Variants in SENP5 observed in about 807,000 individuals in gnomAD.
SENP5 encodes sentrin-specific protease 5.
A neutral mutation model predicts 74.2 loss-of-function variants in SENP5; 21 were observed. The observed-to-expected ratio is 0.28, with a 90% CI of 0.20 to 0.41. The LOEUF (loss-of-function observed/expected upper bound fraction) is 0.41, where lower values mean the gene tolerates loss of function less well. Among genes scored for constraint, SENP5 ranks in the 10% least tolerant of loss-of-function variants. The pLI, the probability that SENP5 is intolerant of heterozygous loss-of-function variation, is 1.00. For synonymous variants in SENP5, 311 were observed against 312.7 expected (o/e 0.99, Z 0.06); for missense variants, 717 against 889.1 (o/e 0.81, Z 2.46).
intron 1 of SENP5, among the ~76,000 whole-genome samples, chr3:196,874,366 G>A (rs1359842263): frequency 6.6e-6 from 1 of 151,246 alleles, no homozygotes; most frequent in Non-Finnish European, 1.5e-5. Context: ...TTCCACCTTG[G>A]TTTTTGTCCT....
intron 2 of SENP5, among the ~76,000 whole-genome samples, chr3:196,888,517 G>A (rs1417805312): frequency 6.6e-6 from 1 of 151,974 alleles, no homozygotes; most frequent in Non-Finnish European, 1.5e-5. Flanking sequence ...CTGGGAGGCG[G>A]AGGTTGCAGT....
intron 6 of SENP5, among the ~76,000 whole-genome samples, chr3:196,908,729 A>G (rs1560153995): frequency 6.6e-6 from 1 of 152,166 alleles, no homozygotes; most frequent in Non-Finnish European, 1.5e-5. Context: ...AGGCCGAGGT[A>G]GGAGAATCAC....
intron 6 of SENP5, among the ~76,000 whole-genome samples, chr3:196,906,244 A>G (rs1467755116): frequency 1.3e-5 from 2 of 152,162 alleles, no homozygotes; most frequent in African/African-American, 4.8e-5. Context: ...GACATCAGAA[A>G]TTCCAAGGAC....
chr3:196,877,364 A>G (rs1713522911), intron 1 of SENP5, among the ~76,000 whole-genome samples: 1 of 152,002 alleles, frequency 6.6e-6, no homozygotes, highest in Non-Finnish European at 1.5e-5. Context: ...TTGTATTTTT[A>G]GTAAGAGACA....
At chr3:196,894,772 T>C (rs927560564) in intron 2 of SENP5, among the ~76,000 whole-genome samples, 12 of 152,202 alleles carry the variant, frequency 7.9e-5, no homozygotes, top group African/African-American at 2.9e-4. Context: ...TTAATTCTTT[T>C]CAAAAATTTC....
In SENP5 at chr3:196,885,467, G is replaced by A. The variant is rs1386816061; in HGVS notation, c.286G>A (p.Val96Met). The change falls in exon 2 of 10, where the codon GTG (valine) becomes ATG (methionine). Residue 96 changes from valine (V) to methionine (M), a missense_variant. Around this residue, in one of 4 missense-constraint regions of SENP5, gnomAD observed 567 missense variants for 577.4 expected, o/e 0.98. Transcript: ENST00000323460. ...TQNVSTLSSK[V>M]KRKDAKHFIS... is the part of the protein sequence containing the mutation. ...AAATGTTAGTACTTTGTCCTCTAAA[G>A]TGAAAAGAAAGGACGCTAAACACTT... 1.9e-6 allele frequency: 3 copies of A among 1,614,124 alleles called. No individual in the cohort carries two copies. The highest frequency in any genetic ancestry group is 1.1e-5 in the South Asian group (1 of 91,084).
rs1249027180 is a variant in SENP5 at position 196,885,909 on chromosome 3, A to G, written c.728A>G (p.Tyr243Cys). ...AAATTATCCATGATTAGATTTCGGT[A>G]CAGGATTCTCAGATCCCAGCACTTC... ...YEKLSMIRFRYRILRSQHFRT... is the reference protein window; with the variant it reads ...YEKLSMIRFRCRILRSQHFRT... Residue 243 changes from tyrosine to cysteine, a missense_variant, in exon 2 of 10, where the codon TAC (tyrosine) becomes TGC (cysteine). Tyr to Cys is a radical substitution (Grantham distance 194). Around this residue, in one of 4 missense-constraint regions of SENP5, gnomAD observed 567 missense variants for 577.4 expected, o/e 0.98. Coordinates refer to ENST00000323460, the MANE Select transcript of SENP5 (RefSeq NM_152699.5). 6.2e-7 allele frequency: 1 copy of G among 1,613,926 alleles called. No individual in the cohort carries two copies. The highest frequency in any genetic ancestry group is 8.5e-7 in the Non-Finnish European group (1 of 1,180,004).
intron 2 of SENP5, among the ~76,000 whole-genome samples, chr3:196,889,722 T>C (rs9879020): frequency 0.68 from 103,429 of 152,074 alleles, 36,057 homozygotes; most frequent in Non-Finnish European, 0.75. Flanking sequence ...TACTCACAAA[T>C]GAGGAGACAG....
chr3:196,883,496 A>G (rs567661109), intron 1 of SENP5, among the ~76,000 whole-genome samples: 1 of 152,140 alleles, frequency 6.6e-6, no homozygotes, highest in East Asian at 1.9e-4. Flanking sequence ...ATACTGGACT[A>G]TCCTGGGTCA....
chr3:196,876,381 C>T (rs1460630893), intron 1 of SENP5, among the ~76,000 whole-genome samples: 1 of 151,908 alleles, frequency 6.6e-6, no homozygotes, highest in African/African-American at 2.4e-5. Flanking sequence ...AAAAATTAGC[C>T]GGGCCTGGTG....
At chr3:196,878,697 C>T (rs1423387278) in intron 1 of SENP5, among the ~76,000 whole-genome samples, 2 of 152,058 alleles carry the variant, frequency 1.3e-5, no homozygotes, top group African/African-American at 4.8e-5. Context: ...GTTCAAGTGA[C>T]TCTCCTGCCT....
intron 2 of SENP5, among the ~76,000 whole-genome samples, chr3:196,897,696 G>A (rs1301618991): frequency 6.6e-6 from 1 of 152,192 alleles, no homozygotes; most frequent in African/African-American, 2.4e-5. Flanking sequence ...AAGGGAGCTG[G>A]TTAAGATATG....
intron 5 of SENP5, among the ~76,000 whole-genome samples, chr3:196,900,700 C>A (rs1013979823): frequency 1.1e-4 from 16 of 152,120 alleles, no homozygotes; most frequent in African/African-American, 3.4e-4. Flanking sequence ...ATTCTCCTGT[C>A]TCAGCCTCCC....
At position 196,885,400 on chromosome 3, in the gene SENP5, T is replaced by TGAACCCC; in HGVS notation, c.220_226dup (p.Leu76ArgfsTer6). On this transcript the variant is annotated frameshift_variant, in exon 2 of 10. Coordinates refer to ENST00000323460, the MANE Select transcript of SENP5 (RefSeq NM_152699.5). LOFTEE classifies it high-confidence loss of function. ...AAATCCAGAAAACGTGGATCAAGGA[T>TGAACCCC]GAACCCCTTTGTGCTAAGACCAAGT... is the stretch of plus-strand genomic sequence containing the variant. 2 of 1,614,186 alleles carry TGAACCCC rather than the reference T, an allele frequency of 1.2e-6. No homozygotes were observed. Among genetic ancestry groups the TGAACCCC allele is most frequent in the Non-Finnish European group, 1.7e-6 (2 of 1,180,014 alleles).
chr3:196,931,147 T>C lies in SENP5; in HGVS notation c.*224T>C, dbSNP rs1716024814. On this transcript the variant is annotated 3_prime_UTR_variant, in exon 10 of 10. Coordinates refer to ENST00000323460, the MANE Select transcript of SENP5 (RefSeq NM_152699.5). ...ATTTTTAATTTTATGGTTCTGTGCG[T>C]CCCCCATATTTAATATTTATTATTC... is the stretch of plus-strand genomic sequence containing the variant. 1 of 492,524 alleles carries C rather than the reference T, an allele frequency of 2.0e-6. No homozygotes were observed. Among genetic ancestry groups the C allele is most frequent in the Non-Finnish European group, 3.6e-6 (1 of 274,154 alleles). 30.5% of individuals were successfully genotyped at this position (492,524 alleles called of 1,614,324 possible). A position where few individuals can be genotyped will look rare whatever the true frequency, so the allele number is the denominator to read the frequency against.
chr3:196,896,033 G>C (rs1295818543), intron 2 of SENP5, among the ~76,000 whole-genome samples: 1 of 152,014 alleles, frequency 6.6e-6, no homozygotes, highest in Non-Finnish European at 1.5e-5. Flanking sequence ...TTTTTTAGTT[G>C]ATCAGTTTAG....
chr3:196,908,694 A>G (rs1338079861), intron 6 of SENP5, among the ~76,000 whole-genome samples: 2 of 152,160 alleles, frequency 1.3e-5, no homozygotes, highest in Non-Finnish European at 2.9e-5. Flanking sequence ...GTGGTGGCAC[A>G]TGCCTGTAAT....
intron 6 of SENP5, among the ~76,000 whole-genome samples, chr3:196,913,647 C>CTTT (rs1229412806): frequency 0.013 from 1,249 of 98,006 alleles, 44 homozygotes; most frequent in African/African-American, 0.023. Flanking sequence ...ATAAGAAAGG[C>CTTT]TTTTTTTTTT....
intron 6 of SENP5, among the ~76,000 whole-genome samples, chr3:196,920,480 T>G (rs977271398): frequency 6.6e-6 from 1 of 152,218 alleles, no homozygotes; most frequent in South Asian, 2.1e-4. Context: ...TTATAAGTAG[T>G]GACAGTTTTA....
Sources: allele counts gnomAD v4.1 joint callset (sites outside exome capture counted in the v4.1 genomes callset), GRCh38; gene constraint gnomAD v4.1.1; regional missense constraint gnomAD v4.1.1; transcripts MANE v1.5; gene names NCBI Gene and HGNC (gene_info 2026-07-23, HGNC 2026-07-21).